The following NFKBIL1 variants were observed in gnomAD, a reference collection of about 807,000 sequenced individuals.
NFKBIL1 encodes NF-kappa-B inhibitor-like protein 1.
NFKBIL1 carries 30 observed loss-of-function variants against 45.4 expected under a neutral mutation model. The ratio of observed to expected loss-of-function variants is 0.66; its 90% CI spans 0.49 to 0.90. The LOEUF (loss-of-function observed/expected upper bound fraction) is 0.90, where lower values mean the gene tolerates loss of function less well. Among genes scored for constraint, NFKBIL1 ranks in the 40% least tolerant of loss-of-function variants. The probability of loss-of-function intolerance (pLI) is 0.00; values close to 1 mark genes in which losing one functional copy is unlikely to be tolerated. For synonymous variants in NFKBIL1, 179 were observed against 197.3 expected (o/e 0.91, Z 0.78); for missense variants, 434 against 513.4 (o/e 0.85, Z 1.49).
chr6:31,558,319 A>T lies in NFKBIL1; in HGVS notation c.854A>T (p.His285Leu), dbSNP rs1361041490. The change falls in exon 4 of 4, where the codon CAC becomes CTC. Residue 285 changes from histidine to leucine, a missense_variant. By Grantham distance (99) the His-to-Leu change is moderately conservative. Coordinates refer to ENST00000376148, the MANE Select transcript of NFKBIL1 (RefSeq NM_005007.4). This position sits in a 1 kb window ranked among gnomAD's most constrained non-coding sequence, Gnocchi z 7.2. ...ACCAGGGCCGGGCCCAGGGAAGAGCACCCCAGAGGAGCGGGGAGGGGCAGC... is the reference window on the plus strand; with the variant it reads ...ACCAGGGCCGGGCCCAGGGAAGAGCTCCCCAGAGGAGCGGGGAGGGGCAGC... Reference protein sequence around the residue: ...KPTRAGPREEHPRGAGRGSLW... With the variant: ...KPTRAGPREELPRGAGRGSLW... 4 of 1,570,582 alleles carry T rather than the reference A, an allele frequency of 2.5e-6. No homozygotes were observed. The South Asian group carries it at 4.6e-5, about 18-fold the overall frequency.
upstream of NFKBIL1, chr6:31,547,550 T>TC: frequency 1.8e-6 from 1 of 542,726 alleles, no homozygotes; most frequent in Non-Finnish European, 3.2e-6. Flanking sequence ...ACAGTTCACT[T>TC]CCGTCCTCCA....
At chr6:31,548,540 G>T in intron 2 of NFKBIL1, 101 bp downstream of exon 2, 1 of 1,309,644 alleles carries the variant, frequency 7.6e-7, no homozygotes, top group South Asian at 1.8e-5. Context: ...TGGTCATCAG[G>T]ACCTAGGGAA....
chr6:31,558,156 G>A lies in NFKBIL1; in HGVS notation c.691G>A (p.Gly231Ser). 6.2e-7 allele frequency: 1 copy of A among 1,611,420 alleles called. No homozygotes were observed. Among genetic ancestry groups the A allele is most frequent in the Non-Finnish European group, 8.5e-7 (1 of 1,179,354 alleles). Residue 231 changes from glycine to serine, a missense_variant, in exon 4 of 4, where the codon GGC becomes AGC. Physicochemically the swap from Gly to Ser is moderately conservative, Grantham distance 56 (BLOSUM62 0). This residue lies in a region of NFKBIL1 where 128 missense variants were observed against 106.5 expected (regional missense o/e 1.20). Coordinates refer to ENST00000376148, the MANE Select transcript of NFKBIL1 (RefSeq NM_005007.4). The surrounding 1 kb of genome is among the most constrained non-coding windows in gnomAD (Gnocchi z 7.2). ...EGSRRPPRAE[G>S]SSQSWRQQEE... ...ATCCCGTCGACCCCCACGTGCTGAG[G>A]GCTCCAGCCAGAGCTGGCGACAGCA...
rs201206958 is a variant in NFKBIL1 at position 31,558,304 on chromosome 6, G to C, written c.839G>C (p.Gly280Ala). ...GDREPKPTRA[G>A]PREEHPRGAG... ...CGAGAACCCAAGCCAACCAGGGCCG[G>C]GCCCAGGGAAGAGCACCCCAGAGGA... The change falls in exon 4 of 4, where the codon GGG (glycine) becomes GCG (alanine). Residue 280 changes from glycine (G) to alanine (A), a missense_variant. Physicochemically the swap from Gly to Ala is moderately conservative, Grantham distance 60. Coordinates refer to ENST00000376148, the MANE Select transcript of NFKBIL1 (RefSeq NM_005007.4). The surrounding 1 kb of genome is among the most constrained non-coding windows in gnomAD (Gnocchi z 7.2). 1 of 1,580,520 alleles carries C rather than the reference G, an allele frequency of 6.3e-7. No homozygotes were observed. The highest frequency in any genetic ancestry group is 8.6e-7 in the Non-Finnish European group (1 of 1,162,794).
rs1370152357 is a variant in NFKBIL1 at position 31,548,143 on chromosome 6, T to G, written c.58-20T>G. 6.2e-7 allele frequency: 1 copy of G among 1,612,998 alleles called. No homozygotes were observed. The highest frequency in any genetic ancestry group is 8.5e-7 in the Non-Finnish European group (1 of 1,180,034). ...CAGCCAAGGCTGAAGTCCTGACTGCTGCCTTTTTTCCTTCCCCAGCCCAAG... is the reference window on the plus strand; with the variant it reads ...CAGCCAAGGCTGAAGTCCTGACTGCGGCCTTTTTTCCTTCCCCAGCCCAAG... On this transcript the variant is annotated intron_variant, in intron 1 of 3. Coordinates refer to ENST00000376148, the MANE Select transcript of NFKBIL1 (RefSeq NM_005007.4).
At chr6:31,552,265 CTGTTT>C (rs72488655) in intron 2 of NFKBIL1, among the ~76,000 whole-genome samples, 100,425 of 150,566 alleles carry the variant, frequency 0.67, 33,598 homozygotes, top group South Asian at 0.77. Flanking sequence ...TTTTTGTTTT[CTGTTT>C]TGTTTTGTTT....
chr6:31,557,922 T>A lies in NFKBIL1; in HGVS notation c.556+73T>A. 6.7e-7 allele frequency: 1 copy of A among 1,499,906 alleles called. No individual in the cohort carries two copies. Among genetic ancestry groups the A allele is most frequent in the Non-Finnish European group, 9.0e-7 (1 of 1,107,626 alleles). 92.9% of individuals were successfully genotyped at this position (1,499,906 alleles called of 1,614,324 possible). ...TTCCATCTGCATGAATGCGTCACAC[T>A]AGGCTCCTCTGCCCCCTCCTCTGTG... On this transcript the variant is annotated intron_variant, in intron 3 of 3. Transcript: ENST00000376148. This position sits in a 1 kb window ranked among gnomAD's most constrained non-coding sequence, Gnocchi z 5.4.
intron 2 of NFKBIL1, among the ~76,000 whole-genome samples, chr6:31,551,277 C>T (rs1194382883): frequency 1.3e-5 from 2 of 152,000 alleles, no homozygotes; most frequent in African/African-American, 4.8e-5. Context: ...CTGCCCACCT[C>T]GGCTTCCCAA....
In NFKBIL1 at chr6:31,547,621, C is replaced by T. The variant is rs1050152110; in HGVS notation, c.-74C>T. ...GAGTGTCTCCGCCCTTCCCGCCTCC[C>T]GTCTCCGAGCTTCTTAAACACAGGC... On this transcript the variant is annotated 5_prime_UTR_variant, in exon 1 of 4. Coordinates refer to ENST00000376148, the MANE Select transcript of NFKBIL1 (RefSeq NM_005007.4). 3 of 1,068,614 alleles carry T rather than the reference C, an allele frequency of 2.8e-6. No individual in the cohort carries two copies. Among genetic ancestry groups the T allele is most frequent in the Admixed American group, 4.8e-5 (2 of 41,262 alleles). 66.2% of individuals were successfully genotyped at this position (1,068,614 alleles called of 1,614,324 possible).
chr6:31,558,322 C>G lies in NFKBIL1; in HGVS notation c.857C>G (p.Pro286Arg). ...PTRAGPREEHPRGAGRGSLWR... is the reference protein window; with the variant it reads ...PTRAGPREEHRRGAGRGSLWR... ...AGGGCCGGGCCCAGGGAAGAGCACCCCAGAGGAGCGGGGAGGGGCAGCCTC... is the reference window on the plus strand; with the variant it reads ...AGGGCCGGGCCCAGGGAAGAGCACCGCAGAGGAGCGGGGAGGGGCAGCCTC... Residue 286 changes from proline to arginine, a missense_variant, in exon 4 of 4, where the codon CCC becomes CGC. By Grantham distance (103) the Pro-to-Arg change is moderately radical. Around this residue, in one of 4 missense-constraint regions of NFKBIL1, gnomAD observed 128 missense variants for 106.5 expected, o/e 1.20. Transcript: ENST00000376148. This position sits in a 1 kb window ranked among gnomAD's most constrained non-coding sequence, Gnocchi z 7.2. 6.4e-7 allele frequency: 1 copy of G among 1,572,450 alleles called. No individual in the cohort carries two copies. The highest frequency in any genetic ancestry group is 1.3e-5 in the African/African-American group (1 of 74,272).
chr6:31,551,169 A>G (rs1214177052), intron 2 of NFKBIL1, among the ~76,000 whole-genome samples: 1 of 152,082 alleles, frequency 6.6e-6, no homozygotes, highest in Non-Finnish European at 1.5e-5. Context: ...TGGGACTACA[A>G]GCACACACCA....
Position 31,555,059 on chromosome 6 carries a change from C to T in NFKBIL1, c.335-2569C>T, listed in dbSNP as rs546642166. 1.1e-4 allele frequency among the ~76,000 whole-genome samples: 17 copies of T among 152,256 alleles called. No homozygotes were observed. In the South Asian group the frequency reaches 2.5e-3, roughly 22 times the overall value. The stretch of plus-strand genomic sequence containing the variant: ...ACACCAAGGTGGGACTGGAAGGGAT[C>T]ACAGTACACTGTTAATAGTTATCAA... On this transcript the variant is annotated intron_variant, in intron 2 of 3. Coordinates refer to ENST00000376148, the MANE Select transcript of NFKBIL1 (RefSeq NM_005007.4).
chr6:31,555,609 C>CTTTTTTT (rs772749122), intron 2 of NFKBIL1, among the ~76,000 whole-genome samples: 30 of 72,284 alleles, frequency 4.2e-4, no homozygotes, highest in South Asian at 5.6e-4. Context: ...CTCTCTCTCT[C>CTTTTTTT]TTTTTTTTTT....
At chr6:31,552,071 A>G (rs1769458409) in intron 2 of NFKBIL1, among the ~76,000 whole-genome samples, 1 of 152,148 alleles carries the variant, frequency 6.6e-6, no homozygotes. Context: ...TGCTGGGATT[A>G]CAGGCATGAG....
chr6:31,552,996 G>T (rs973391777), intron 2 of NFKBIL1, among the ~76,000 whole-genome samples: 3 of 150,728 alleles, frequency 2.0e-5, no homozygotes, highest in African/African-American at 7.3e-5. Context: ...GAGCCACCGC[G>T]CCAGGCCTAA....
At chr6:31,551,397 A>G (rs1039453073) in intron 2 of NFKBIL1, among the ~76,000 whole-genome samples, 4 of 152,232 alleles carry the variant, frequency 2.6e-5, no homozygotes, top group Admixed American at 6.5e-5. Flanking sequence ...AGCAGGGCCC[A>G]AAAGGTTCGG....
At chr6:31,554,937 TA>T (rs1769634007) in intron 2 of NFKBIL1, among the ~76,000 whole-genome samples, 1 of 152,206 alleles carries the variant, frequency 6.6e-6, no homozygotes, top group Admixed American at 6.5e-5. Flanking sequence ...TGGAAAAATA[TA>T]AATGAGATGT....
Position 31,558,207 on chromosome 6 carries a change from G to C in NFKBIL1, c.742G>C (p.Glu248Gln). The change falls in exon 4 of 4, where the codon GAG (glutamate) becomes CAG (glutamine). Residue 248 changes from glutamate (E) to glutamine (Q), a missense_variant. Physicochemically the swap from Glu to Gln is conservative, Grantham distance 29 (BLOSUM62 2). Coordinates refer to ENST00000376148, the MANE Select transcript of NFKBIL1 (RefSeq NM_005007.4). The surrounding 1 kb of genome is among the most constrained non-coding windows in gnomAD (Gnocchi z 7.2). ...GGAGGAGGAGCAGCGGCTCTTCAGG[G>C]AGCGAGCCCGGGCCAAGGAGGAAGA... ...QQEEEQRLFR[E>Q]RARAKEEELR... is the part of the protein sequence containing the mutation. 6.2e-7 allele frequency: 1 copy of C among 1,601,872 alleles called. No individual in the cohort carries two copies. The highest frequency in any genetic ancestry group is 8.5e-7 in the Non-Finnish European group (1 of 1,175,046).
At chr6:31,556,560 C>T in intron 2 of NFKBIL1, 2 of 382,086 alleles carry the variant, frequency 5.2e-6, no homozygotes, top group Non-Finnish European at 1.1e-5. Context: ...GCATGGCACT[C>T]AGCTAACCTT....
Sources: gnomAD v4.1 joint callset for allele counts (sites outside exome capture counted in the v4.1 genomes callset) on GRCh38, gnomAD v4.1.1 for gene constraint, gnomAD v4.1.1 regional missense constraint, Gnocchi (gnomAD v3.1) non-coding constraint, MANE v1.5 for transcripts, NCBI Gene and HGNC (gene_info 2026-07-23, HGNC 2026-07-21) for gene names.